MYO5B: variants seen among roughly 807,000 people sequenced by gnomAD.
The protein encoded by MYO5B is myosin VB.
A neutral mutation model predicts 229.3 loss-of-function variants in MYO5B; 143 were observed. The ratio of observed to expected loss-of-function variants is 0.62; its 90% CI spans 0.54 to 0.72. The LOEUF is 0.72. Among genes scored for constraint, MYO5B ranks in the 30% least tolerant of loss-of-function variants. The pLI, the probability that MYO5B is intolerant of heterozygous loss-of-function variation, is 0.00. For missense variants in MYO5B, 2,321 were observed against 2,331.0 expected (o/e 1.00, Z 0.09); for synonymous variants, 918 against 885.2 (o/e 1.04, Z -0.66).
At chr18:50,159,817 G>A (rs967619922) in intron 1 of MYO5B, among the ~76,000 whole-genome samples, 3 of 152,018 alleles carry the variant, frequency 2.0e-5, no homozygotes, top group East Asian at 1.9e-4. Flanking sequence ...GCACCCCCAC[G>A]CCACTGATAT....
chr18:50,048,919 G>A (rs929466297), intron 2 of MYO5B, among the ~76,000 whole-genome samples: 1 of 151,934 alleles, frequency 6.6e-6, no homozygotes, highest in Non-Finnish European at 1.5e-5. Flanking sequence ...CTACTCAGGA[G>A]GCTGAGGCAC....
At chr18:50,084,808 T>G (rs1171387877) in intron 1 of MYO5B, among the ~76,000 whole-genome samples, 1 of 152,120 alleles carries the variant, frequency 6.6e-6, no homozygotes, top group African/African-American at 2.4e-5. Context: ...AAACAAGCAA[T>G]GGGGAAAGGA....
intron 5 of MYO5B, among the ~76,000 whole-genome samples, chr18:49,993,925 G>A (rs913089180): frequency 2.0e-5 from 3 of 152,118 alleles, no homozygotes; most frequent in African/African-American, 2.4e-5. Context: ...GGCAGGAACC[G>A]ACCCTTCCCT....
intron 1 of MYO5B, among the ~76,000 whole-genome samples, chr18:50,192,803 C>T (rs1266929595): frequency 6.6e-6 from 1 of 152,032 alleles, no homozygotes; most frequent in Non-Finnish European, 1.5e-5. Context: ...TTCCCAGGAC[C>T]CTCAGTTCTT....
chr18:49,912,200 G>A, intron 17 of MYO5B, 27 bp from the exon 18 acceptor site: 1 of 1,572,558 alleles, frequency 6.4e-7, no homozygotes, highest in Non-Finnish European at 8.7e-7. Context: ...GGGGCATCAG[G>A]TGACACATCC....
At chr18:49,923,990 G>A (rs551783007) in intron 17 of MYO5B, among the ~76,000 whole-genome samples, 2 of 152,154 alleles carry the variant, frequency 1.3e-5, no homozygotes, top group East Asian at 1.9e-4. Context: ...CAGGATGGTT[G>A]TGAGGACCTG....
At chr18:50,054,408 T>C (rs1341720628) in intron 2 of MYO5B, among the ~76,000 whole-genome samples, 1 of 152,228 alleles carries the variant, frequency 6.6e-6, no homozygotes, top group East Asian at 1.9e-4. Flanking sequence ...TACTGCCATT[T>C]ATCATAATAC....
intron 16 of MYO5B, among the ~76,000 whole-genome samples, chr18:49,932,686 C>CA (rs1203066691): frequency 6.6e-6 from 1 of 151,934 alleles, no homozygotes; most frequent in Non-Finnish European, 1.5e-5. Context: ...AACAAACAAA[C>CA]AAAAAAACAA....
intron 14 of MYO5B, among the ~76,000 whole-genome samples, chr18:49,947,852 G>A (rs1032789365): frequency 1.3e-5 from 2 of 152,172 alleles, no homozygotes; most frequent in African/African-American, 4.8e-5. Flanking sequence ...GGACTAAGAA[G>A]CATGAAAAAA....
At chr18:50,184,561 T>C (rs1314367172) in intron 1 of MYO5B, among the ~76,000 whole-genome samples, 2 of 152,144 alleles carry the variant, frequency 1.3e-5, no homozygotes, top group Non-Finnish European at 2.9e-5. Context: ...TTAAATGAGC[T>C]AACATGTAGT....
chr18:50,065,140 T>C, intron 1 of MYO5B, among the ~76,000 whole-genome samples: 1 of 152,188 alleles, frequency 6.6e-6, no homozygotes, highest in East Asian at 1.9e-4. Context: ...ACACCTATCT[T>C]TGAAGCTGTT....
chr18:50,003,647 A>C (rs947708469), intron 4 of MYO5B, among the ~76,000 whole-genome samples: 8 of 152,212 alleles, frequency 5.3e-5, no homozygotes, highest in Non-Finnish European at 1.0e-4. Context: ...TCTGAAACAG[A>C]CAAGTTTGAT....
At chr18:50,097,827 G>T (rs1290181072) in intron 1 of MYO5B, among the ~76,000 whole-genome samples, 2 of 152,184 alleles carry the variant, frequency 1.3e-5, no homozygotes, top group Non-Finnish European at 2.9e-5. Flanking sequence ...CTGCCAACAA[G>T]GAAATGAGGG....
chr18:49,851,184 CCTGTCTTTGAGAGCTCTGACATCT>C (rs2024196726), intron 31 of MYO5B: 1 of 152,182 alleles, frequency 6.6e-6, no homozygotes, highest in African/African-American at 2.4e-5. Flanking sequence ...GGCTTTGACG[CCTGTCTTTGAGAGCTCTGACATCT>C]CAGTCATCTT....
intron 10 of MYO5B, among the ~76,000 whole-genome samples, chr18:49,968,854 C>A (rs1451801105): frequency 6.6e-6 from 1 of 152,162 alleles, no homozygotes; most frequent in African/African-American, 2.4e-5. Flanking sequence ...GTTAGTGAGA[C>A]CTGGACTGCC....
intron 5 of MYO5B, among the ~76,000 whole-genome samples, chr18:49,995,055 C>T (rs185980788): frequency 3.2e-4 from 48 of 152,158 alleles, no homozygotes; most frequent in African/African-American, 1.2e-3. Flanking sequence ...GTGGCAACCC[C>T]AAGATAGAAA....
chr18:50,183,089 TTAATTTGGC>T (rs1014791496), intron 1 of MYO5B, among the ~76,000 whole-genome samples: 1 of 152,090 alleles, frequency 6.6e-6, no homozygotes, highest in African/African-American at 2.4e-5. Context: ...ATTGCATCTT[TTAATTTGGC>T]ATTATAACTC....
intron 1 of MYO5B, among the ~76,000 whole-genome samples, chr18:50,089,034 C>T (rs1443140857): frequency 6.6e-6 from 1 of 152,158 alleles, no homozygotes; most frequent in Non-Finnish European, 1.5e-5. Context: ...TTCTGGAAAG[C>T]AAGTCAGTTT....
chr18:49,964,701 C>T (rs979869710), intron 10 of MYO5B, among the ~76,000 whole-genome samples: 3 of 152,198 alleles, frequency 2.0e-5, no homozygotes, highest in African/African-American at 7.2e-5. Context: ...AGTCATTGTA[C>T]TTCGTGAATT....
Sources: gnomAD v4.1 joint callset for allele counts (sites outside exome capture counted in the v4.1 genomes callset) on GRCh38, gnomAD v4.1.1 for gene constraint, MANE v1.5 for transcripts, NCBI Gene and HGNC (gene_info 2026-07-23, HGNC 2026-07-21) for gene names.